Variants in BBS9 observed in about 807,000 individuals in gnomAD.
The protein encoded by BBS9 is protein PTHB1.
Under a neutral mutation model 117.7 loss-of-function variants are expected in BBS9, and 89 were observed. The ratio of observed to expected loss-of-function variants is 0.76; its 90% CI spans 0.64 to 0.90. The LOEUF (loss-of-function observed/expected upper bound fraction) is 0.90, where lower values mean the gene tolerates loss of function less well. Ranked by LOEUF, BBS9 falls within the 40% of genes least tolerant of loss-of-function variation. The pLI is 0.00. For missense variants in BBS9, 982 were observed against 1,042.2 expected (o/e 0.94, Z 0.80); for synonymous variants, 379 against 370.9 (o/e 1.02, Z -0.25).
At chr7:33,311,262 G>A (rs1200626519) in intron 9 of BBS9, among the ~76,000 whole-genome samples, 1 of 152,136 alleles carries the variant, frequency 6.6e-6, no homozygotes, top group East Asian at 1.9e-4. Context: ...ATGAGAGGAG[G>A]CTGCTGAGGT....
At chr7:33,430,773 C>A (rs572162322) in intron 19 of BBS9, among the ~76,000 whole-genome samples, 1 of 152,278 alleles carries the variant, frequency 6.6e-6, no homozygotes, top group East Asian at 1.9e-4. Flanking sequence ...GTGTTTCGAT[C>A]ATAAGAAATA....
At chr7:33,296,740 G>T (rs1584168549) in intron 9 of BBS9, among the ~76,000 whole-genome samples, 1 of 152,234 alleles carries the variant, frequency 6.6e-6, no homozygotes, top group South Asian at 2.1e-4. Flanking sequence ...CTTGGTATGT[G>T]AAGATTAAAG....
intron 19 of BBS9, among the ~76,000 whole-genome samples, chr7:33,408,356 C>T (rs927875353): frequency 6.6e-6 from 1 of 152,094 alleles, no homozygotes; most frequent in Non-Finnish European, 1.5e-5. Flanking sequence ...TTTCCTTGAC[C>T]AGGAAAGGGA....
intron 5 of BBS9, among the ~76,000 whole-genome samples, chr7:33,205,351 T>C (rs1425951171): frequency 1.3e-5 from 2 of 152,188 alleles, no homozygotes; most frequent in Non-Finnish European, 2.9e-5. Flanking sequence ...TAACCAGTAT[T>C]TCAGTTTTGT....
At chr7:33,245,928 T>A (rs1795264510) in intron 5 of BBS9, among the ~76,000 whole-genome samples, 1 of 152,132 alleles carries the variant, frequency 6.6e-6, no homozygotes, top group South Asian at 2.1e-4. Flanking sequence ...TTAGCAGACA[T>A]ACACTGAGGA....
In BBS9 at chr7:33,336,531, A is replaced by G. The variant is rs1227576006; in HGVS notation, c.1107A>G (p.Pro369=). The change falls in exon 10 of 23, where the codon CCA becomes CCG. Residue 369 remains proline (P), a synonymous_variant. Coordinates refer to ENST00000242067, the MANE Select transcript of BBS9 (RefSeq NM_198428.3). ...CAGATCCTTCTCTGTTCCAAGCTCC[A>G]AACGTTCAATCTCGAGAACTAAACT... ...LGTDPSLFQA[P]NVQSRELNYD... is the part of the protein sequence containing the mutation. 1.9e-6 allele frequency: 3 copies of G among 1,613,676 alleles called. No homozygotes were observed. Among genetic ancestry groups the G allele is most frequent in the East Asian group, 4.5e-5 (2 of 44,844 alleles).
At chr7:33,599,589 A>G (rs1863474544) in intron 21 of BBS9, among the ~76,000 whole-genome samples, 1 of 152,198 alleles carries the variant, frequency 6.6e-6, no homozygotes, top group South Asian at 2.1e-4. Context: ...TAGGCCCCAT[A>G]ATAAAGTGCC....
chr7:33,203,070 C>T lies in BBS9; in HGVS notation c.442+25479C>T, dbSNP rs540214746. On this transcript the variant is annotated intron_variant, in intron 5 of 22. Coordinates refer to ENST00000242067, the MANE Select transcript of BBS9 (RefSeq NM_198428.3). ...CATATGCTAATTCTGGAGCCCACCA[C>T]TAGTGTCAGAGGATGGTATACTCTG... is the stretch of plus-strand genomic sequence containing the variant. Among the ~76,000 whole-genome samples, 303 of 152,250 alleles carry T rather than the reference C, an allele frequency of 2.0e-3. 2 individuals are homozygous for T. The highest frequency in any genetic ancestry group is 4.0e-3 in the Non-Finnish European group (272 of 68,018).
At chr7:33,239,816 C>T (rs1443910608) in intron 5 of BBS9, among the ~76,000 whole-genome samples, 1 of 151,964 alleles carries the variant, frequency 6.6e-6, no homozygotes, top group East Asian at 1.9e-4. Context: ...TCAAGACCAG[C>T]CTGAGCAATG....
At chr7:33,399,074 T>C (rs1828494215) in intron 19 of BBS9, among the ~76,000 whole-genome samples, 1 of 152,238 alleles carries the variant, frequency 6.6e-6, no homozygotes, top group Non-Finnish European at 1.5e-5. Context: ...TTTCATAGTA[T>C]GTCTTCAAAA....
At chr7:33,519,924 A>T (rs1848355564) in intron 20 of BBS9, among the ~76,000 whole-genome samples, 1 of 152,182 alleles carries the variant, frequency 6.6e-6, no homozygotes, top group Non-Finnish European at 1.5e-5. Context: ...CTCAGTTGGA[A>T]GTTATAATAC....
At chr7:33,243,148 C>T (rs965275032) in intron 5 of BBS9, among the ~76,000 whole-genome samples, 3 of 152,224 alleles carry the variant, frequency 2.0e-5, no homozygotes, top group African/African-American at 7.2e-5. Context: ...TAGAAAAGGT[C>T]ATCAATGTAT....
intron 19 of BBS9, among the ~76,000 whole-genome samples, chr7:33,468,980 C>G (rs543781932): frequency 1.1e-4 from 16 of 146,004 alleles, no homozygotes; most frequent in African/African-American, 4.1e-4. Context: ...ATACAGATTT[C>G]TCTTCAATCT....
intron 5 of BBS9, among the ~76,000 whole-genome samples, chr7:33,187,484 G>A (rs567628488): frequency 1.3e-5 from 2 of 152,370 alleles, no homozygotes; most frequent in Non-Finnish European, 2.9e-5. Flanking sequence ...ACTGAAGCAA[G>A]TCTGGTGTGT....
downstream of BBS9, among the ~76,000 whole-genome samples, chr7:33,609,153 G>A (rs1053062576): frequency 2.6e-5 from 4 of 151,936 alleles, no homozygotes; most frequent in Non-Finnish European, 5.9e-5. Context: ...ACTTTGTTGA[G>A]GATCAAATGG....
chr7:33,460,786 AT>A (rs1304766726), intron 19 of BBS9, among the ~76,000 whole-genome samples: 2 of 152,018 alleles, frequency 1.3e-5, no homozygotes, highest in African/African-American at 4.8e-5. Context: ...ATTCATTGAC[AT>A]TTAATGCATT....
intron 19 of BBS9, among the ~76,000 whole-genome samples, chr7:33,498,116 T>C (rs938743593): frequency 7.9e-5 from 12 of 152,156 alleles, no homozygotes; most frequent in Non-Finnish European, 1.8e-4. Flanking sequence ...CCAAAAGTTC[T>C]ACAACTAATA....
At chr7:33,517,162 A>G (rs1847921698) in intron 20 of BBS9, among the ~76,000 whole-genome samples, 1 of 152,262 alleles carries the variant, frequency 6.6e-6, no homozygotes, top group African/African-American at 2.4e-5. Context: ...CACACACCCA[A>G]ATAAGATATG....
intron 17 of BBS9, among the ~76,000 whole-genome samples, chr7:33,383,161 T>A (rs892585420): frequency 3.3e-5 from 5 of 152,212 alleles, no homozygotes; most frequent in African/African-American, 1.2e-4. Context: ...AGGGTCTGAC[T>A]GCAAAATCTC....
Sources: allele counts gnomAD v4.1 joint callset (sites outside exome capture counted in the v4.1 genomes callset), GRCh38; gene constraint gnomAD v4.1.1; transcripts MANE v1.5; gene names NCBI Gene and HGNC (gene_info 2026-07-23, HGNC 2026-07-21).